RALGAPA2: variants seen among roughly 807,000 people sequenced by gnomAD.
RALGAPA2 encodes ral GTPase-activating protein subunit alpha-2.
In RALGAPA2, 139 loss-of-function variants were observed where a neutral mutation model predicts 230.4. The ratio of observed to expected loss-of-function variants is 0.60; its 90% CI spans 0.53 to 0.69. The LOEUF (loss-of-function observed/expected upper bound fraction) is 0.69, where lower values mean the gene tolerates loss of function less well. RALGAPA2 is among the 30% of genes least tolerant of loss of function. The probability of loss-of-function intolerance (pLI) is 0.00; values close to 1 mark genes in which losing one functional copy is unlikely to be tolerated. For synonymous variants in RALGAPA2, 847 were observed against 837.8 expected (o/e 1.01, Z -0.19); for missense variants, 2,163 against 2,276.0 (o/e 0.95, Z 1.01).
At chr20:20,404,544 T>C (rs1338684523) in intron 38 of RALGAPA2, among the ~76,000 whole-genome samples, 2 of 152,284 alleles carry the variant, frequency 1.3e-5, no homozygotes, top group East Asian at 3.9e-4. Context: ...CCAGGAGGAC[T>C]TGAGGGCCAG....
At chr20:20,686,791 T>A (rs888864956) in intron 1 of RALGAPA2, among the ~76,000 whole-genome samples, 5 of 152,332 alleles carry the variant, frequency 3.3e-5, no homozygotes, top group African/African-American at 1.2e-4. Flanking sequence ...ATAGCAATTC[T>A]ATTGCTTTTT....
At chr20:20,681,434 T>G (rs375466121) in intron 1 of RALGAPA2, among the ~76,000 whole-genome samples, 2 of 152,236 alleles carry the variant, frequency 1.3e-5, no homozygotes, top group Admixed American at 1.3e-4. Flanking sequence ...AACCACAGAC[T>G]GCGGATAGAT....
chr20:20,533,130 T>C (rs1300546482), intron 26 of RALGAPA2, among the ~76,000 whole-genome samples: 1 of 151,818 alleles, frequency 6.6e-6, no homozygotes, highest in Non-Finnish European at 1.5e-5. Flanking sequence ...TTATTTTTAA[T>C]AGGATCTTTC....
rs1473397956 is a variant in RALGAPA2 at position 20,676,250 on chromosome 20, G to C, written c.256C>G (p.Leu86Val). 1.9e-6 allele frequency: 3 copies of C among 1,558,448 alleles called. No homozygotes were observed. In the East Asian group the frequency reaches 6.8e-5, roughly 35 times the overall value. ...KSQREELDSI[L>V]FLFEKILQFL... ...TCAAAACTTACTTCAAAAAGGAAGA[G>C]GATGGAGTCCAGCTCCTCCCTTTGT... Residue 86 changes from leucine to valine, a missense_variant, in exon 3 of 40, where the codon CTC (leucine) becomes GTC (valine). Leu to Val is a conservative substitution (Grantham distance 32). Coordinates refer to ENST00000202677, the MANE Select transcript of RALGAPA2 (RefSeq NM_020343.4).
intron 31 of RALGAPA2, 140 bp from the exon 32 acceptor site, chr20:20,513,424 AT>A: frequency 1.7e-6 from 1 of 581,582 alleles, no homozygotes; most frequent in Non-Finnish European, 2.6e-6. Context: ...CCACTTGGAA[AT>A]AGCAAGATAG....
intron 10 of RALGAPA2, among the ~76,000 whole-genome samples, chr20:20,623,081 C>A (rs2066370944): frequency 6.6e-6 from 1 of 151,906 alleles, no homozygotes; most frequent in Non-Finnish European, 1.5e-5. Context: ...GCTTGAAGGT[C>A]CAATACAACT....
chr20:20,679,016 A>C (rs890318654), intron 2 of RALGAPA2, among the ~76,000 whole-genome samples: 1 of 152,152 alleles, frequency 6.6e-6, no homozygotes, highest in Non-Finnish European at 1.5e-5. Flanking sequence ...CATATACCCA[A>C]TAAAATAAGG....
intron 23 of RALGAPA2, among the ~76,000 whole-genome samples, chr20:20,562,378 G>A (rs2064283354): frequency 6.6e-6 from 1 of 152,112 alleles, no homozygotes; most frequent in Non-Finnish European, 1.5e-5. Flanking sequence ...ACTGAAAAAT[G>A]TATGCCAACT....
chr20:20,688,831 T>A (rs983834366), intron 1 of RALGAPA2, among the ~76,000 whole-genome samples: 1 of 152,176 alleles, frequency 6.6e-6, no homozygotes, highest in African/African-American at 2.4e-5. Context: ...AATGATTTTT[T>A]AAAAATCGAG....
At position 20,524,401 on chromosome 20, in the gene RALGAPA2, C is replaced by G; in HGVS notation, c.3900+5G>C. The G allele has an allele frequency of 3.7e-6, 6 of 1,613,234 alleles. No homozygotes were observed. The highest frequency in any genetic ancestry group is 5.1e-6 in the Non-Finnish European group (6 of 1,179,522). ...CCATTCCCCCAGGCCCAGGTGTAGA[C>G]TCACCCTGTAGATATAATCCAGCAA... On this transcript the variant is annotated splice_donor_5th_base_variant and intron_variant, in intron 30 of 39. Transcript: ENST00000202677.
intron 20 of RALGAPA2, among the ~76,000 whole-genome samples, chr20:20,582,777 C>T (rs1342402492): frequency 4.6e-5 from 7 of 152,152 alleles, no homozygotes; most frequent in Admixed American, 3.9e-4. Flanking sequence ...AAAAATTAAT[C>T]AATAAGCTAT....
At position 20,507,884 on chromosome 20, in the gene RALGAPA2, A is replaced by G. The variant is rs146674657; in HGVS notation, c.4929-2350T>C. ...CTGTCTCTTTCAACAAAAGTGGAGA[A>G]GTATAGTTATTCAGTTTTTATCTGA... is the stretch of plus-strand genomic sequence containing the variant. On this transcript the variant is annotated intron_variant, in intron 33 of 39. Coordinates refer to ENST00000202677, the MANE Select transcript of RALGAPA2 (RefSeq NM_020343.4). Among the ~76,000 whole-genome samples the G allele has an allele frequency of 1.7e-3, 262 of 152,346 alleles. 1 individual carries two copies. The highest frequency in any genetic ancestry group is 6.0e-3 in the African/African-American group (248 of 41,580).
intron 9 of RALGAPA2, among the ~76,000 whole-genome samples, chr20:20,631,421 A>G (rs2066669535): frequency 1.3e-5 from 2 of 152,228 alleles, no homozygotes; most frequent in African/African-American, 4.8e-5. Flanking sequence ...TGGGATAGAA[A>G]AATTATTTTG....
Position 20,635,481 on chromosome 20 carries a change from T to C in RALGAPA2, c.942A>G (p.Lys314=). ...IKWIVTFFLE[K]KYLTATQNTK... ...TGTTTTGTGTTGCAGTTAGATACTT[T>C]TTTTCCAAAAAGAAGGTTACAATCC... Residue 314 remains lysine, a synonymous_variant, in exon 9 of 40, where the codon AAA becomes AAG. Coordinates refer to ENST00000202677, the MANE Select transcript of RALGAPA2 (RefSeq NM_020343.4). The C allele has an allele frequency of 6.2e-7, 1 of 1,601,550 alleles. No individual in the cohort carries two copies. The highest frequency in any genetic ancestry group is 8.5e-7 in the Non-Finnish European group (1 of 1,175,372).
intron 4 of RALGAPA2, among the ~76,000 whole-genome samples, chr20:20,648,111 T>C (rs2067276900): frequency 6.6e-6 from 1 of 152,300 alleles, no homozygotes; most frequent in South Asian, 2.1e-4. Flanking sequence ...GAATAAATTA[T>C]GGAATTATGA....
chr20:20,672,091 C>T (rs1357124321), intron 3 of RALGAPA2, among the ~76,000 whole-genome samples: 1 of 152,162 alleles, frequency 6.6e-6, no homozygotes, highest in African/African-American at 2.4e-5. Flanking sequence ...CCCCCAGTTC[C>T]CAGCTATGGT....
At chr20:20,542,098 A>G (rs1355196943) in intron 24 of RALGAPA2, among the ~76,000 whole-genome samples, 2 of 152,294 alleles carry the variant, frequency 1.3e-5, no homozygotes, top group South Asian at 4.1e-4. Context: ...AATCACAAGC[A>G]TTCCTATACA....
At chr20:20,656,253 T>A (rs1032501342) in intron 3 of RALGAPA2, among the ~76,000 whole-genome samples, 16 of 152,210 alleles carry the variant, frequency 1.1e-4, no homozygotes, top group African/African-American at 3.9e-4. Context: ...CAAGGAGAAA[T>A]CTTTGATATG....
At chr20:20,606,752 A>T (rs989332095) in intron 14 of RALGAPA2, among the ~76,000 whole-genome samples, 6 of 152,092 alleles carry the variant, frequency 3.9e-5, no homozygotes, top group African/African-American at 1.4e-4. Flanking sequence ...GTCTGCCCCC[A>T]GTCTTATAGT....
Sources: allele counts gnomAD v4.1 joint callset (sites outside exome capture counted in the v4.1 genomes callset), GRCh38; gene constraint gnomAD v4.1.1; transcripts MANE v1.5; gene names NCBI Gene and HGNC (gene_info 2026-07-23, HGNC 2026-07-21).